Variants in DYSF observed in about 807,000 individuals in gnomAD.
DYSF encodes the protein dysferlin.
DYSF carries 212 observed loss-of-function variants against 274.9 expected under a neutral mutation model. The ratio of observed to expected loss-of-function variants is 0.77; its 90% CI spans 0.69 to 0.86. The LOEUF (loss-of-function observed/expected upper bound fraction) is 0.86. DYSF is among the 40% of genes least tolerant of loss of function. The pLI, the probability that DYSF is intolerant of heterozygous loss-of-function variation, is 0.00. For missense variants in DYSF, 2,666 were observed against 2,783.2 expected (o/e 0.96, Z 0.95); for synonymous variants, 1,091 against 1,078.7 (o/e 1.01, Z -0.22).
intron 14 of DYSF, among the ~76,000 whole-genome samples, chr2:71,532,832 C>A (rs1242006558): frequency 1.0e-5 from 1 of 97,576 alleles, no homozygotes; most frequent in East Asian, 2.9e-4. Flanking sequence ...TACATTTATT[C>A]TATCTATCTA....
At chr2:71,616,138 G>T (rs1427836849) in intron 40 of DYSF, among the ~76,000 whole-genome samples, 1 of 152,168 alleles carries the variant, frequency 6.6e-6, no homozygotes, top group Non-Finnish European at 1.5e-5. Context: ...CAGGCCATGG[G>T]CTGGCACTCA....
chr2:71,656,230 G>T lies in DYSF; in HGVS notation c.4695G>T (p.Lys1565Asn). ...EGLSDFCNTF[K>N]LYRGKTQEET... Reference sequence around the variant, plus strand: ...TGTCTGACTTTTGTAACACCTTCAAGCTGTACCGGGGCAAGACGCAGGAGG... The same window carrying T: ...TGTCTGACTTTTGTAACACCTTCAATCTGTACCGGGGCAAGACGCAGGAGG... Residue 1565 changes from lysine (K) to asparagine (N), a missense_variant, in exon 43 of 56, where the codon AAG (lysine) becomes AAT (asparagine). By Grantham distance (94) the Lys-to-Asn change is moderately conservative (BLOSUM62 0). This residue lies in a region of DYSF where 1,460 missense variants were observed against 1,502.1 expected (regional missense o/e 0.97). Transcript: ENST00000410020. 1 of 1,614,218 alleles carries T rather than the reference G, an allele frequency of 6.2e-7. No homozygotes were observed. Among genetic ancestry groups the T allele is most frequent in the African/African-American group, 1.3e-5 (1 of 75,054 alleles).
intron 45 of DYSF, among the ~76,000 whole-genome samples, chr2:71,662,920 G>A (rs368866489): frequency 6.9e-6 from 1 of 144,258 alleles, no homozygotes; most frequent in South Asian, 2.1e-4. Flanking sequence ...GTGTGTATAT[G>A]TGTGCACGTA....
chr2:71,677,395 A>G (rs1049206128), intron 52 of DYSF, among the ~76,000 whole-genome samples: 1 of 152,224 alleles, frequency 6.6e-6, no homozygotes, highest in Non-Finnish European at 1.5e-5. Context: ...TTGGCAACCT[A>G]TGCTCCAATC....
At chr2:71,620,977 G>A (rs1376516776) in intron 41 of DYSF, among the ~76,000 whole-genome samples, 1 of 152,120 alleles carries the variant, frequency 6.6e-6, no homozygotes, top group African/African-American at 2.4e-5. Flanking sequence ...TCAGACGGCA[G>A]GCTGACTTTC....
chr2:71,667,917 G>A (rs1465970729), intron 48 of DYSF, among the ~76,000 whole-genome samples: 1 of 152,132 alleles, frequency 6.6e-6, no homozygotes, highest in Non-Finnish European at 1.5e-5. Flanking sequence ...TGCAGCCAGG[G>A]TGGCCCTGGC....
At chr2:71,526,418 T>TGGGTGGGGGGGGGGGGGGGTG in intron 13 of DYSF, 72 bp downstream of exon 13, 1 of 261,502 alleles carries the variant, frequency 3.8e-6, no homozygotes, top group Non-Finnish European at 7.0e-6. Context: ...GGGTGGGCGA[T>TGGGTGGGGGGGGGGGGGGGTG]GGCGGGCGGG....
chr2:71,611,166 C>A, intron 36 of DYSF, 79 bp from the exon 37 acceptor site: 1 of 1,061,492 alleles, frequency 9.4e-7, no homozygotes, highest in Non-Finnish European at 1.5e-6. Flanking sequence ...TCTTTCTGTC[C>A]TATCTGTCCT....
At chr2:71,476,857 A>C (rs535631701) in intron 1 of DYSF, among the ~76,000 whole-genome samples, 24 of 119,750 alleles carry the variant, frequency 2.0e-4, no homozygotes, top group Non-Finnish European at 3.7e-4. Context: ...TACTGTTTTT[A>C]CTTTAAAGAA....
At chr2:71,474,457 C>A (rs2082255756) in intron 1 of DYSF, among the ~76,000 whole-genome samples, 1 of 152,210 alleles carries the variant, frequency 6.6e-6, no homozygotes, top group Non-Finnish European at 1.5e-5. Flanking sequence ...AAATTACATG[C>A]ATAAAGCCAC....
At position 71,570,194 on chromosome 2, in the gene DYSF, C is replaced by T. The variant is rs376989715; in HGVS notation, c.2980-35C>T. On this transcript the variant is annotated intron_variant, in intron 27 of 55. Transcript: ENST00000410020. ...CCTCCCTGCTCACATCTGTCTGTCT[C>T]CTCTCATTGCTTGCCTGTTCGGTTT... 5.4e-5 allele frequency: 85 copies of T among 1,578,838 alleles called. No homozygotes were observed. The African/African-American group carries it at 9.3e-4, about 17-fold the overall frequency.
chr2:71,502,886 A>G (rs1256011976), intron 3 of DYSF, among the ~76,000 whole-genome samples: 1 of 152,096 alleles, frequency 6.6e-6, no homozygotes, highest in African/African-American at 2.4e-5. Context: ...TGGACTGTCA[A>G]GGGCTCATGG....
chr2:71,473,162 G>A (rs184677625), intron 1 of DYSF, among the ~76,000 whole-genome samples: 2,291 of 152,262 alleles, frequency 0.015, 24 homozygotes, highest in South Asian at 0.027. Context: ...GGGGTGTCCA[G>A]GCCTGAGAAC....
At chr2:71,545,136 G>A (rs1402647818) in intron 17 of DYSF, among the ~76,000 whole-genome samples, 1 of 152,216 alleles carries the variant, frequency 6.6e-6, no homozygotes, top group Non-Finnish European at 1.5e-5. Context: ...GAAGCCACCG[G>A]CACGTGAGGA....
chr2:71,544,060 C>T lies in DYSF; in HGVS notation c.1576+4821C>T, dbSNP rs576373686. Reference sequence around the variant, plus strand: ...TCTTTGCTCCTCGTCTGTTCTCTCCCGGCAGTTCTGCTTTGTTCCACAAAA... The same window carrying T: ...TCTTTGCTCCTCGTCTGTTCTCTCCTGGCAGTTCTGCTTTGTTCCACAAAA... On this transcript the variant is annotated intron_variant, in intron 17 of 55. Transcript: ENST00000410020. Among the ~76,000 whole-genome samples, 16 of 152,306 alleles carry T rather than the reference C, an allele frequency of 1.1e-4. No homozygotes were observed. The South Asian group carries it at 1.9e-3, about 18-fold the overall frequency.
intron 24 of DYSF, among the ~76,000 whole-genome samples, chr2:71,564,917 C>A (rs1357421874): frequency 6.6e-6 from 1 of 152,168 alleles, no homozygotes; most frequent in African/African-American, 2.4e-5. Flanking sequence ...GGACATAGAG[C>A]CAAAGCTGCT....
Position 71,520,811 on chromosome 2 carries a change from G to T in DYSF, c.1056G>T (p.Trp352Cys). 6.2e-7 allele frequency: 1 copy of T among 1,614,050 alleles called. No homozygotes were observed. The highest frequency in any genetic ancestry group is 8.5e-7 in the Non-Finnish European group (1 of 1,180,006). The change falls in exon 12 of 56, where the codon TGG (tryptophan) becomes TGT (cysteine). Residue 352 changes from tryptophan (W) to cysteine (C), a missense_variant. Transcript: ENST00000410020. Reference protein sequence around the residue: ...REPRHAYLRKWLLLSDPDDFS... With the variant: ...REPRHAYLRKCLLLSDPDDFS... ...TAGGGCACGCCTATCTCAGGAAGTG[G>T]CTGCTGCTCTCAGACCCTGATGACT...
chr2:71,650,748 G>T (rs1558726984), intron 42 of DYSF, among the ~76,000 whole-genome samples: 1 of 152,028 alleles, frequency 6.6e-6, no homozygotes. Flanking sequence ...CTTCTACCTG[G>T]AAAATTAAAA....
intron 24 of DYSF, among the ~76,000 whole-genome samples, chr2:71,567,412 CTGTCCAATA>C (rs1559174863): frequency 6.6e-6 from 1 of 152,174 alleles, no homozygotes; most frequent in Non-Finnish European, 1.5e-5. Flanking sequence ...TAGAACTGTG[CTGTCCAATA>C]TGGTAGCCAC....
Sources: allele counts gnomAD v4.1 joint callset (sites outside exome capture counted in the v4.1 genomes callset), GRCh38; gene constraint gnomAD v4.1.1; regional missense constraint gnomAD v4.1.1; transcripts MANE v1.5; gene names NCBI Gene and HGNC (gene_info 2026-07-23, HGNC 2026-07-21).